HAUS8: variants seen among roughly 807,000 people sequenced by gnomAD.
HAUS8 encodes HAUS augmin like complex subunit 8, also known as HAUS augmin-like complex subunit 8.
In HAUS8, 38 loss-of-function variants were observed where a neutral mutation model predicts 42.9. The observed-to-expected ratio is 0.89, with a 90% CI of 0.68 to 1.16. HAUS8 has a LOEUF of 1.16. Ranked by LOEUF, HAUS8 falls within the 50% of genes most tolerant of loss-of-function variation. HAUS8 has a pLI of 0.00. For synonymous variants in HAUS8, 199 were observed against 205.8 expected (o/e 0.97, Z 0.28); for missense variants, 494 against 511.6 (o/e 0.97, Z 0.33).
At chr19:17,075,169 C>T in intron 1 of HAUS8, 2 of 549,318 alleles carry the variant, frequency 3.6e-6, no homozygotes, top group East Asian at 3.0e-5. Context: ...TGCCGGAGGT[C>T]GCCCAGCGTC....
At chr19:17,056,106 C>A in intron 8 of HAUS8, 104 bp from the exon 9 acceptor site, 1 of 1,062,138 alleles carries the variant, frequency 9.4e-7, no homozygotes, top group Non-Finnish European at 1.4e-6. Flanking sequence ...CGCTGTTCTT[C>A]ACCACCCCCC....
chr19:17,050,031 C>T lies in HAUS8; in HGVS notation c.1075G>A (p.Gly359Arg). The T allele has an allele frequency of 7.5e-6, 12 of 1,608,634 alleles. No homozygotes were observed. Among genetic ancestry groups the T allele is most frequent in the Non-Finnish European group, 1.0e-5 (12 of 1,177,946 alleles). Residue 359 changes from glycine (G) to arginine (R), a missense_variant, in exon 11 of 11, where the codon GGA (glycine) becomes AGA (arginine). Gly to Arg is a moderately radical substitution (Grantham distance 125, BLOSUM62 -2). Transcript: ENST00000253669. ...NQDSACRESG[G>R]APKNTPLSED... The stretch of plus-strand genomic sequence containing the variant: ...GACAGGGGCGTGTTCTTGGGTGCTC[C>T]CCCAGATTCTCTGCAGGCACTGTCT...
intron 9 of HAUS8, among the ~76,000 whole-genome samples, chr19:17,054,544 G>A (rs2057308090): frequency 6.6e-6 from 1 of 152,044 alleles, no homozygotes; most frequent in Non-Finnish European, 1.5e-5. Context: ...GCTCATGCCT[G>A]TAATCCCAGC....
At chr19:17,075,273 G>C (rs1458075791) in intron 1 of HAUS8, 121 bp downstream of exon 1, 1 of 1,083,212 alleles carries the variant, frequency 9.2e-7, no homozygotes, top group Non-Finnish European at 1.4e-6. Flanking sequence ...AGGGGCCCGC[G>C]CAGTTCCTGG....
chr19:17,075,025 G>C, intron 1 of HAUS8: 1 of 310,650 alleles, frequency 3.2e-6, no homozygotes, highest in Non-Finnish European at 6.2e-6. Context: ...ATAATTCCAA[G>C]AGCGACATCA....
At chr19:17,060,198 G>T in intron 4 of HAUS8, 106 bp from the exon 5 acceptor site, 2 of 429,940 alleles carry the variant, frequency 4.7e-6, no homozygotes, top group Non-Finnish European at 3.9e-6. Flanking sequence ...GCTTCTAAAA[G>T]CCCAATTTCG....
In HAUS8 at chr19:17,062,709, T is replaced by C. The variant is rs1455587735; in HGVS notation, c.218A>G (p.Gln73Arg). 1.9e-6 allele frequency: 3 copies of C among 1,614,012 alleles called. No individual in the cohort carries two copies. The highest frequency in any genetic ancestry group is 1.7e-5 in the Admixed American group (1 of 60,008). The change falls in exon 4 of 11, where the codon CAG (glutamine) becomes CGG (arginine). Residue 73 changes from glutamine (Q) to arginine (R), a missense_variant. Gln to Arg is a conservative substitution (Grantham distance 43). Coordinates refer to ENST00000253669, the MANE Select transcript of HAUS8 (RefSeq NM_033417.2). Reference sequence around the variant, plus strand: ...TGGCTGTTTCGCACCTTTGCTTTTCTGGAGCAGGCTGGATTTCCTTCCACC... The same window carrying C: ...TGGCTGTTTCGCACCTTTGCTTTTCCGGAGCAGGCTGGATTTCCTTCCACC... ...SEGGRKSSLL[Q>R]KSKADSSGVG...
chr19:17,058,124 C>A (rs527271690), intron 8 of HAUS8, among the ~76,000 whole-genome samples: 6 of 152,212 alleles, frequency 3.9e-5, no homozygotes, highest in African/African-American at 1.4e-4. Flanking sequence ...GTGGGGGGTC[C>A]GCCCCTGCCA....
chr19:17,056,137 G>A, intron 8 of HAUS8, 135 bp from the exon 9 acceptor site: 2 of 854,652 alleles, frequency 2.3e-6, no homozygotes, highest in Non-Finnish European at 3.7e-6. Flanking sequence ...AGCTCAGGAA[G>A]TTTCCGAGGG....
At chr19:17,072,698 G>C (rs1010506425) in intron 2 of HAUS8, among the ~76,000 whole-genome samples, 1 of 151,872 alleles carries the variant, frequency 6.6e-6, no homozygotes, top group Non-Finnish European at 1.5e-5. Context: ...GCCCAGGCTG[G>C]AGTGCAGTGG....
At chr19:17,067,375 T>C (rs962598464) in intron 3 of HAUS8, among the ~76,000 whole-genome samples, 25 of 151,972 alleles carry the variant, frequency 1.6e-4, no homozygotes, top group Non-Finnish European at 1.0e-4. Context: ...AGCCAATCTG[T>C]GGTTGCCTGG....
intron 1 of HAUS8, 120 bp downstream of exon 1, chr19:17,075,274 C>A: frequency 9.1e-7 from 1 of 1,098,872 alleles, no homozygotes; most frequent in Non-Finnish European, 1.4e-6. Context: ...GGGGCCCGCG[C>A]AGTTCCTGGC....
rs114716710 is a variant in HAUS8, at chr19:17,053,090, G to T, written c.788-124C>A. On this transcript the variant is annotated intron_variant, in intron 9 of 10. Transcript: ENST00000253669. ...CTATCGCGCTGGAACCGTGGAGAGC[G>T]CACAGGGAAGAAGCAGAAGCCAAGG... 238 of 1,120,710 alleles carry T rather than the reference G, an allele frequency of 2.1e-4. 1 individual carries two copies. The African/African-American group carries it at 3.4e-3, about 16-fold the overall frequency. The allele number at this position is 1,120,710 out of a possible 1,614,324, so 69.4% of individuals were successfully genotyped here. A position where few individuals can be genotyped will look rare whatever the true frequency, so the allele number is the denominator to read the frequency against.
chr19:17,075,451 C>A lies in HAUS8; in HGVS notation c.-29G>T. ...CCCGCCTTCCACCTCAAGGCCCGACCCGCCGGCTTTTCAAAGCCGGACCCG... is the reference window on the plus strand; with the variant it reads ...CCCGCCTTCCACCTCAAGGCCCGACACGCCGGCTTTTCAAAGCCGGACCCG... On this transcript the variant is annotated 5_prime_UTR_variant, in exon 1 of 11. Transcript: ENST00000253669. 1 of 1,613,156 alleles carries A rather than the reference C, an allele frequency of 6.2e-7. No individual in the cohort carries two copies. Among genetic ancestry groups the A allele is most frequent in the Admixed American group, 1.7e-5 (1 of 60,028 alleles).
At chr19:17,055,826 C>A in intron 9 of HAUS8, 35 bp downstream of exon 9, 2 of 1,597,254 alleles carry the variant, frequency 1.3e-6, no homozygotes, top group Non-Finnish European at 1.7e-6. Flanking sequence ...CTCGCCCCGC[C>A]TGCTGCACAC....
intron 8 of HAUS8, among the ~76,000 whole-genome samples, chr19:17,056,719 TAGC>T (rs1299247488): frequency 6.6e-6 from 1 of 152,122 alleles, no homozygotes; most frequent in Non-Finnish European, 1.5e-5. Flanking sequence ...GTCTCCCAAG[TAGC>T]TGGGTTACAG....
intron 10 of HAUS8, among the ~76,000 whole-genome samples, chr19:17,051,386 G>A (rs957131448): frequency 7.6e-5 from 5 of 66,054 alleles, no homozygotes; most frequent in African/African-American, 4.2e-4. Context: ...TCCTGGGGGA[G>A]GTTAAAAAAA....
intron 1 of HAUS8, 26 bp from the exon 2 acceptor site, chr19:17,073,361 G>A (rs2057440289): frequency 1.2e-6 from 2 of 1,607,406 alleles, no homozygotes; most frequent in African/African-American, 2.7e-5. Flanking sequence ...GAGAGGTCTT[G>A]TTCACCTCAC....
At chr19:17,066,348 C>G (rs1487301585) in intron 3 of HAUS8, among the ~76,000 whole-genome samples, 1 of 152,150 alleles carries the variant, frequency 6.6e-6, no homozygotes, top group East Asian at 1.9e-4. Context: ...TTCGACCTCC[C>G]AAATTGCTGG....
Sources: allele counts gnomAD v4.1 joint callset (sites outside exome capture counted in the v4.1 genomes callset), GRCh38; gene constraint gnomAD v4.1.1; transcripts MANE v1.5; gene names NCBI Gene and HGNC (gene_info 2026-07-23, HGNC 2026-07-21).